Variants in TMEM143 observed in about 807,000 individuals in gnomAD.
TMEM143 encodes transmembrane protein 143.
A neutral mutation model predicts 40.3 loss-of-function variants in TMEM143; 45 were observed. The observed-to-expected ratio is 1.12, with a 90% confidence interval of 0.88 to 1.43. The LOEUF (loss-of-function observed/expected upper bound fraction) is 1.43, where lower values mean the gene tolerates loss of function less well. TMEM143 is among the 40% of genes most tolerant of loss of function. TMEM143 has a pLI of 0.00. For missense variants in TMEM143, 620 were observed against 613.4 expected (o/e 1.01, Z -0.11); for synonymous variants, 299 against 282.7 (o/e 1.06, Z -0.58).
At chr19:48,334,383 TGGG>T (rs1218986431) in intron 6 of TMEM143, among the ~76,000 whole-genome samples, 186 bp from the exon 7 acceptor site, 2 of 152,172 alleles carry the variant, frequency 1.3e-5, no homozygotes, top group Non-Finnish European at 2.9e-5. Flanking sequence ...TGGGGATTTT[TGGG>T]GTCTGTCTTT....
At chr19:48,357,370 T>C (rs1338339582) in intron 3 of TMEM143, among the ~76,000 whole-genome samples, 20 of 63,778 alleles carry the variant, frequency 3.1e-4, no homozygotes, top group Admixed American at 1.2e-3. Context: ...TTTTTTTTTT[T>C]CTGAGACGGA....
At chr19:48,342,076 G>A (rs1402681711) in intron 6 of TMEM143, among the ~76,000 whole-genome samples, 1 of 144,222 alleles carries the variant, frequency 6.9e-6, no homozygotes, top group Non-Finnish European at 1.5e-5. Context: ...CAAGAAGGGA[G>A]GGAAGGGAGA....
In TMEM143 at chr19:48,363,906, A is replaced by G. The variant is rs1467029753; in HGVS notation, c.15T>C (p.Leu5=). The stretch of plus-strand genomic sequence containing the variant: ...CCCGATTTCTCCCTCACCTTAGCCA[A>G]AGCTCGACTGTCATTGAGCCTCCTG... MTVE[L]WLRLRGKGLA... is the part of the protein sequence containing the mutation. The change falls in exon 1 of 8, where the codon CTT becomes CTC. Residue 5 remains leucine (L), a synonymous_variant. Coordinates refer to ENST00000293261, the MANE Select transcript of TMEM143 (RefSeq NM_018273.4). 3.7e-6 allele frequency: 6 copies of G among 1,613,692 alleles called. No individual in the cohort carries two copies. The highest frequency in any genetic ancestry group is 5.1e-6 in the Non-Finnish European group (6 of 1,179,840).
chr19:48,343,542 AATTCCCCCG>A, intron 4 of TMEM143, 91 bp from the exon 5 acceptor site: 6 of 1,461,288 alleles, frequency 4.1e-6, no homozygotes, highest in Non-Finnish European at 5.5e-6. Context: ...GCCCCTAAAT[AATTCCCCCG>A]TTTCCCACTT....
rs71181682 is a variant in TMEM143 at position 48,354,264 on chromosome 19, CTTTTTTTTT to C, written c.369+5799_369+5807del. Among the ~76,000 whole-genome samples, 148 of 110,334 alleles carry C rather than the reference CTTTTTTTTT, an allele frequency of 1.3e-3. 2 individuals carry two copies. Among genetic ancestry groups the C allele is most frequent in the African/African-American group, 4.5e-3 (135 of 30,048 alleles). 72.4% of individuals were successfully genotyped at this position (110,334 alleles called of 152,430 possible). A position where few individuals can be genotyped will look rare whatever the true frequency, so the allele number is the denominator to read the frequency against. On this transcript the variant is annotated intron_variant, in intron 3 of 7. Transcript: ENST00000293261. Reference sequence around the variant, plus strand: ...GTGAGCCACCGCGCCCAGACTTTTTCTTTTTTTTTTTTTTTTTTGAGACATAGTCTTGCT... The same window carrying C: ...GTGAGCCACCGCGCCCAGACTTTTTCTTTTTTTTTGAGACATAGTCTTGCT...
At chr19:48,363,557 T>G (rs1600934319) in intron 1 of TMEM143, 26 bp from the exon 2 acceptor site, 1 of 1,574,192 alleles carries the variant, frequency 6.4e-7, no homozygotes. Context: ...TGGGCAGGGG[T>G]CAAAGGCCAT....
At chr19:48,363,571 G>C (rs201849395) in intron 1 of TMEM143, 40 bp from the exon 2 acceptor site, 18 of 1,556,466 alleles carry the variant, frequency 1.2e-5, no homozygotes, top group East Asian at 1.1e-4. Context: ...AGGCCATCTA[G>C]AGGAAAAGCG....
At chr19:48,355,093 T>G (rs930998805) in intron 3 of TMEM143, among the ~76,000 whole-genome samples, 7 of 152,114 alleles carry the variant, frequency 4.6e-5, no homozygotes, top group Admixed American at 2.0e-4. Flanking sequence ...CTTGGCTCAC[T>G]GCAACCTCCA....
chr19:48,337,574 G>A (rs954984863), intron 6 of TMEM143, among the ~76,000 whole-genome samples: 3 of 151,628 alleles, frequency 2.0e-5, no homozygotes, highest in African/African-American at 7.3e-5. Flanking sequence ...AAAAAACATT[G>A]GGACAAAGCC....
At chr19:48,334,426 CTT>C (rs1350478734) in intron 6 of TMEM143, among the ~76,000 whole-genome samples, 4 of 49,956 alleles carry the variant, frequency 8.0e-5, no homozygotes, top group East Asian at 5.8e-4. Context: ...CTCTTTCTTT[CTT>C]TCTTTCTTTC....
In TMEM143 at chr19:48,356,121, T is replaced by C. The variant is rs1320007527; in HGVS notation, c.369+3951A>G. 4.0e-5 allele frequency among the ~76,000 whole-genome samples: 6 copies of C among 151,828 alleles called. No individual in the cohort carries two copies. The East Asian group carries it at 9.6e-4, about 24-fold the overall frequency. On this transcript the variant is annotated intron_variant, in intron 3 of 7. Coordinates refer to ENST00000293261, the MANE Select transcript of TMEM143 (RefSeq NM_018273.4). The stretch of plus-strand genomic sequence containing the variant: ...CCCCATGTGCCTTTTTCCTTTTTTT[T>C]TCTTTTTTTTTTTTGGGATGGAGTC...
At chr19:48,343,197 G>T in intron 5 of TMEM143, 124 bp downstream of exon 5, 2 of 1,238,316 alleles carry the variant, frequency 1.6e-6, no homozygotes, top group Non-Finnish European at 1.1e-6. Context: ...GATGAGTCAC[G>T]CCTCCCATTT....
chr19:48,348,409 T>A (rs1466142256), intron 3 of TMEM143, among the ~76,000 whole-genome samples: 2 of 152,128 alleles, frequency 1.3e-5, no homozygotes, highest in African/African-American at 2.4e-5. Context: ...TCCCAGTCCA[T>A]GCCAGCCACC....
At chr19:48,345,590 C>T (rs1298863368) in intron 3 of TMEM143, among the ~76,000 whole-genome samples, 1 of 151,300 alleles carries the variant, frequency 6.6e-6, no homozygotes, top group East Asian at 1.9e-4. Context: ...TCCCAAGTAG[C>T]TGGGACTACA....
intron 3 of TMEM143, among the ~76,000 whole-genome samples, chr19:48,350,262 C>T (rs138597258): frequency 0.019 from 2,842 of 151,866 alleles, 80 homozygotes; most frequent in African/African-American, 0.066. Context: ...CCACCCACCT[C>T]GGCCTCCCAA....
intron 3 of TMEM143, among the ~76,000 whole-genome samples, chr19:48,358,189 GC>G (rs1402516355): frequency 1.3e-5 from 2 of 151,978 alleles, no homozygotes; most frequent in Non-Finnish European, 2.9e-5. Flanking sequence ...TTTAAGACCA[GC>G]CTGAGCAACA....
At chr19:48,354,104 A>G (rs759331570) in intron 3 of TMEM143, among the ~76,000 whole-genome samples, 52 of 151,056 alleles carry the variant, frequency 3.4e-4, no homozygotes, top group Admixed American at 2.0e-3. Context: ...GATCACAGGC[A>G]TGTGCCACCA....
In TMEM143 at chr19:48,345,337, G is replaced by C. The variant is rs755895113; in HGVS notation, c.387C>G (p.Ile129Met). ...GATCGAGGGTCTCCCTGTCAGGGTT[G>C]ATGGGGTCATATAAGGCCTAAGAGG... ...LARLQALYDPINPDRETLDQP... is the reference protein window; with the variant it reads ...LARLQALYDPMNPDRETLDQP... The change falls in exon 4 of 8, where the codon ATC (isoleucine) becomes ATG (methionine). Residue 129 changes from isoleucine (I) to methionine (M), a missense_variant. Ile to Met is a conservative substitution (Grantham distance 10, BLOSUM62 1). Coordinates refer to ENST00000293261, the MANE Select transcript of TMEM143 (RefSeq NM_018273.4). 4 of 1,574,850 alleles carry C rather than the reference G, an allele frequency of 2.5e-6. No homozygotes were observed. Among genetic ancestry groups the C allele is most frequent in the Non-Finnish European group, 3.4e-6 (4 of 1,162,352 alleles).
At chr19:48,358,817 G>A (rs1969968566) in intron 3 of TMEM143, among the ~76,000 whole-genome samples, 2 of 152,198 alleles carry the variant, frequency 1.3e-5, no homozygotes. Context: ...TAAATCCGCT[G>A]CTCACATCTC....
Sources: gnomAD v4.1 joint callset for allele counts (sites outside exome capture counted in the v4.1 genomes callset) on GRCh38, gnomAD v4.1.1 for gene constraint, MANE v1.5 for transcripts, NCBI Gene and HGNC (gene_info 2026-07-23, HGNC 2026-07-21) for gene names.